UTRN: variants seen among roughly 807,000 people sequenced by gnomAD.
The protein encoded by UTRN is utrophin, also known as dystrophin-related protein 1.
UTRN carries 283 observed loss-of-function variants against 463.9 expected under a neutral mutation model. That is an observed-to-expected ratio of 0.61 (90% CI 0.55 to 0.67). The LOEUF is 0.67. Ranked by LOEUF, UTRN falls within the 30% of genes least tolerant of loss-of-function variation. The pLI is 0.00. For missense variants in UTRN, 3,922 were observed against 4,084.3 expected (o/e 0.96, Z 1.08); for synonymous variants, 1,442 against 1,431.5 (o/e 1.01, Z -0.17).
In UTRN at chr6:144,374,277, C is replaced by G. The variant is rs1780249620; in HGVS notation, c.80-28846C>G. On this transcript the variant is annotated intron_variant, in intron 2 of 74. Transcript: ENST00000367545. The stretch of plus-strand genomic sequence containing the variant: ...ACTTTGTTCTAGGTTCAGTGGCTTA[C>G]AAAAATATGTATAACAAAACAAAAT... Among the ~76,000 whole-genome samples, 4 of 151,854 alleles carry G rather than the reference C, an allele frequency of 2.6e-5. No individual in the cohort carries two copies. The South Asian group carries it at 8.3e-4, about 32-fold the overall frequency.
At chr6:144,418,474 C>T (rs1344946471) in intron 3 of UTRN, among the ~76,000 whole-genome samples, 2 of 151,898 alleles carry the variant, frequency 1.3e-5, no homozygotes, top group Non-Finnish European at 2.9e-5. Context: ...CCGCCCGCCT[C>T]GGCCTCCTAA....
At chr6:144,499,656 T>C (rs1316387081) in intron 34 of UTRN, among the ~76,000 whole-genome samples, 3 of 152,182 alleles carry the variant, frequency 2.0e-5, no homozygotes, top group Non-Finnish European at 4.4e-5. Context: ...ACATATAGGT[T>C]TGTTACATGG....
intron 51 of UTRN, among the ~76,000 whole-genome samples, chr6:144,592,763 T>A (rs9497011): frequency 0.09 from 13,751 of 152,218 alleles, 1,434 homozygotes; most frequent in African/African-American, 0.25. Flanking sequence ...TGATTTCTTG[T>A]ATCCTCACAG....
intron 50 of UTRN, 135 bp from the exon 51 acceptor site, chr6:144,576,964 T>C: frequency 1.4e-6 from 1 of 713,440 alleles, no homozygotes; most frequent in Non-Finnish European, 2.3e-6. Context: ...CAGATAAATC[T>C]CCCAGTTACC....
At chr6:144,510,421 G>A (rs2128590169) in intron 34 of UTRN, among the ~76,000 whole-genome samples, 1 of 152,162 alleles carries the variant, frequency 6.6e-6, no homozygotes, top group Non-Finnish European at 1.5e-5. Context: ...ATGTTTTTTT[G>A]TAATGTTTAT....
intron 52 of UTRN, among the ~76,000 whole-genome samples, chr6:144,697,080 T>C (rs1025787447): frequency 6.6e-5 from 10 of 152,158 alleles, no homozygotes; most frequent in African/African-American, 1.9e-4. Context: ...AAAATACTTA[T>C]AGAGTTGTAA....
At chr6:144,525,182 A>T (rs189438559) in intron 41 of UTRN, among the ~76,000 whole-genome samples, 25 of 152,208 alleles carry the variant, frequency 1.6e-4, no homozygotes, top group African/African-American at 6.0e-4. Flanking sequence ...TTTTGGTATT[A>T]GGGTAATACT....
intron 55 of UTRN, among the ~76,000 whole-genome samples, chr6:144,749,772 G>A (rs9390208): frequency 0.46 from 69,239 of 151,972 alleles, 19,914 homozygotes; most frequent in East Asian, 0.87. Context: ...GCTTATATAG[G>A]GAAACATTAT....
rs1385264961 is a variant in UTRN at position 144,539,360 on chromosome 6, A to G, written c.6436A>G (p.Met2146Val). Reference sequence around the variant, plus strand: ...ATGGCTGAATAGAACTGAATTGGAGATGCTTTCAGATAAAAGTCTGAGTTT... The same window carrying G: ...ATGGCTGAATAGAACTGAATTGGAGGTGCTTTCAGATAAAAGTCTGAGTTT... ...LKWLNRTELE[M>V]LSDKSLSLPE... The change falls in exon 45 of 75, where the codon ATG (methionine) becomes GTG (valine). Residue 2146 changes from methionine to valine, a missense_variant. Met to Val is a conservative substitution (Grantham distance 21). This residue lies in a region of UTRN where 2,349 missense variants were observed against 2,303.8 expected (regional missense o/e 1.02). Transcript: ENST00000367545. 2 of 1,613,452 alleles carry G rather than the reference A, an allele frequency of 1.2e-6. No individual in the cohort carries two copies. Among genetic ancestry groups the G allele is most frequent in the South Asian group, 1.1e-5 (1 of 91,028 alleles).
intron 54 of UTRN, among the ~76,000 whole-genome samples, chr6:144,734,456 G>T (rs1789132459): frequency 6.6e-6 from 1 of 152,096 alleles, no homozygotes; most frequent in Admixed American, 6.6e-5. Flanking sequence ...TCCTATATCT[G>T]TCAAGAAGCC....
At chr6:144,552,974 C>T (rs1033268249) in intron 48 of UTRN, among the ~76,000 whole-genome samples, 2 of 152,170 alleles carry the variant, frequency 1.3e-5, no homozygotes, top group African/African-American at 4.8e-5. Flanking sequence ...CAGATTGTCT[C>T]ATTGAGCAAG....
chr6:144,773,286 A>T (rs950751469), intron 59 of UTRN, among the ~76,000 whole-genome samples: 1 of 152,156 alleles, frequency 6.6e-6, no homozygotes, highest in Non-Finnish European at 1.5e-5. Context: ...AGTGAACTGG[A>T]CAGTGTGGTT....
At chr6:144,842,137 C>G (rs115959911) in intron 73 of UTRN, among the ~76,000 whole-genome samples, 3,961 of 135,146 alleles carry the variant, frequency 0.029, 117 homozygotes, top group African/African-American at 0.071. Flanking sequence ...AAAAAAAAGC[C>G]ATCCGAAATG....
intron 50 of UTRN, 151 bp from the exon 51 acceptor site, chr6:144,576,948 C>A: frequency 1.6e-6 from 1 of 638,366 alleles, no homozygotes; most frequent in Non-Finnish European, 2.6e-6. Context: ...ATTCAAGACA[C>A]ACATACAGAT....
chr6:144,514,855 C>T, intron 37 of UTRN, 35 bp downstream of exon 37: 1 of 1,593,852 alleles, frequency 6.3e-7, no homozygotes, highest in Non-Finnish European at 8.5e-7. Context: ...AACCATTTTT[C>T]CTATGGGTAT....
At chr6:144,660,315 T>C (rs773367262) in intron 51 of UTRN, 8 of 470,796 alleles carry the variant, frequency 1.7e-5, no homozygotes, top group South Asian at 1.2e-4. Context: ...CTTTTTTCCT[T>C]TCTTTCTTGC....
chr6:144,582,284 C>G (rs1476723177), intron 51 of UTRN, among the ~76,000 whole-genome samples: 1 of 152,124 alleles, frequency 6.6e-6, no homozygotes, highest in Non-Finnish European at 1.5e-5. Flanking sequence ...GCAGCATTAG[C>G]CCGGTTACCA....
chr6:144,705,286 A>G (rs1031431146), intron 53 of UTRN, among the ~76,000 whole-genome samples: 4 of 152,146 alleles, frequency 2.6e-5, no homozygotes, highest in African/African-American at 9.7e-5. Context: ...GTCACTGATG[A>G]CCTGGGTGAC....
At chr6:144,818,842 G>T (rs1490676491) in intron 65 of UTRN, among the ~76,000 whole-genome samples, 1 of 151,034 alleles carries the variant, frequency 6.6e-6, no homozygotes, top group Non-Finnish European at 1.5e-5. Flanking sequence ...CTGAGACCCA[G>T]ATATTGCTTC....
Sources: gnomAD v4.1 joint callset for allele counts (sites outside exome capture counted in the v4.1 genomes callset) on GRCh38, gnomAD v4.1.1 for gene constraint, gnomAD v4.1.1 regional missense constraint, MANE v1.5 for transcripts, NCBI Gene and HGNC (gene_info 2026-07-23, HGNC 2026-07-21) for gene names.